The following FBXO32 variants were observed in gnomAD, a reference collection of about 807,000 sequenced individuals.
FBXO32 encodes the protein F-box only protein 32.
FBXO32 carries 15 observed loss-of-function variants against 48.3 expected under a neutral mutation model. The ratio of observed to expected loss-of-function variants is 0.31; its 90% confidence interval spans 0.21 to 0.48. The LOEUF is 0.48. Among genes scored for constraint, FBXO32 ranks in the 20% least tolerant of loss-of-function variants. FBXO32 has a pLI of 0.99. For missense variants in FBXO32, 309 were observed against 432.7 expected (o/e 0.71, Z 2.54); for synonymous variants, 154 against 165.9 (o/e 0.93, Z 0.55).
intron 1 of FBXO32, among the ~76,000 whole-genome samples, chr8:123,539,261 C>T (rs184437875): frequency 3.3e-5 from 5 of 152,262 alleles, no homozygotes; most frequent in African/African-American, 9.6e-5. Flanking sequence ...CAGACCCTTT[C>T]GGCACTTTTC....
chr8:123,519,550 CAAA>C (rs778974048), intron 4 of FBXO32, among the ~76,000 whole-genome samples: 2 of 72,278 alleles, frequency 2.8e-5, no homozygotes, highest in Non-Finnish European at 2.9e-5. Flanking sequence ...GACTCCATCT[CAAA>C]AAAAAAAAAA....
chr8:123,538,446 A>G (rs570176528), intron 1 of FBXO32, among the ~76,000 whole-genome samples: 2 of 152,276 alleles, frequency 1.3e-5, no homozygotes, highest in Admixed American at 1.3e-4. Context: ...TTGTTTTCTC[A>G]TAACAGGAGA....
At chr8:123,518,640 A>G (rs1234516376) in intron 4 of FBXO32, among the ~76,000 whole-genome samples, 1 of 152,218 alleles carries the variant, frequency 6.6e-6, no homozygotes, top group African/African-American at 2.4e-5. Context: ...TGTGTCAGCA[A>G]CTGCAGCTAA....
chr8:123,507,459 G>A (rs566663805), intron 6 of FBXO32, among the ~76,000 whole-genome samples: 4 of 151,510 alleles, frequency 2.6e-5, no homozygotes, highest in Non-Finnish European at 4.4e-5. Flanking sequence ...GTGTGTGTGT[G>A]TGTGTGTGTG....
intron 4 of FBXO32, among the ~76,000 whole-genome samples, chr8:123,522,205 CTTTT>C (rs138504281): frequency 2.6e-5 from 3 of 115,288 alleles, no homozygotes; most frequent in Non-Finnish European, 5.3e-5. Flanking sequence ...ATCCTGGTTA[CTTTT>C]TTTTTTTTTT....
At chr8:123,539,341 G>A (rs1817369139) in intron 1 of FBXO32, among the ~76,000 whole-genome samples, 1 of 152,200 alleles carries the variant, frequency 6.6e-6, no homozygotes, top group African/African-American at 2.4e-5. Flanking sequence ...TAGGAACAAG[G>A]AGGAAGGAAG....
In FBXO32 at chr8:123,500,907, CATTTA is replaced by C. The variant is rs1443306372; in HGVS notation, c.*2461_*2465del. 1 of 152,240 alleles carries C rather than the reference CATTTA, an allele frequency of 6.6e-6. No homozygotes were observed. Among genetic ancestry groups the C allele is most frequent in the African/African-American group, 2.4e-5 (1 of 41,452 alleles). The allele number at this position is 152,240 out of a possible 1,614,324, so 9.4% of individuals were successfully genotyped here. A position where few individuals can be genotyped will look rare whatever the true frequency, so the allele number is the denominator to read the frequency against. ...AGCCCACTGGTACCATCTTGGTAAA[CATTTA>C]ATTAGACCGTAACCCTTCTCTTGGG... On this transcript the variant is annotated 3_prime_UTR_variant, in exon 9 of 9. Coordinates refer to ENST00000517956, the MANE Select transcript of FBXO32 (RefSeq NM_058229.4).
In FBXO32 at chr8:123,503,229, C is replaced by T; in HGVS notation, c.*144G>A. ...AGTCAGCAACTGCATTTCTCCCCTC[C>T]AATGTCCTCTCCATGACTTATCTCT... On this transcript the variant is annotated 3_prime_UTR_variant, in exon 9 of 9. Transcript: ENST00000517956. 1 of 569,538 alleles carries T rather than the reference C, an allele frequency of 1.8e-6. No individual in the cohort carries two copies. Among genetic ancestry groups the T allele is most frequent in the Non-Finnish European group, 3.0e-6 (1 of 330,904 alleles). The allele number at this position is 569,538 out of a possible 1,614,324, so 35.3% of individuals were successfully genotyped here. A position where few individuals can be genotyped will look rare whatever the true frequency, so the allele number is the denominator to read the frequency against.
chr8:123,530,175 A>T (rs1817170248), intron 4 of FBXO32, among the ~76,000 whole-genome samples: 1 of 152,182 alleles, frequency 6.6e-6, no homozygotes, highest in Admixed American at 6.5e-5. Flanking sequence ...AGATCTGCTC[A>T]TGTGGTCACA....
intron 4 of FBXO32, among the ~76,000 whole-genome samples, chr8:123,522,782 G>T (rs1816983569): frequency 6.6e-6 from 1 of 152,010 alleles, no homozygotes; most frequent in African/African-American, 2.4e-5. Context: ...GCCAAATCCT[G>T]GCCGTCCCTC....
chr8:123,540,392 C>A lies in FBXO32; in HGVS notation c.116+507G>T, dbSNP rs1817387918. Among the ~76,000 whole-genome samples, 1 of 152,216 alleles carries A rather than the reference C, an allele frequency of 6.6e-6. No homozygotes were observed. The highest frequency in any genetic ancestry group is 1.5e-5 in the Non-Finnish European group (1 of 68,044). ...TCCTCCCGGCCACTTCGTGGTTGCCCGTGCCTGGGCAGGGCCTGGAAGCGC... is the reference window on the plus strand; with the variant it reads ...TCCTCCCGGCCACTTCGTGGTTGCCAGTGCCTGGGCAGGGCCTGGAAGCGC... On this transcript the variant is annotated intron_variant, in intron 1 of 8. Coordinates refer to ENST00000517956, the MANE Select transcript of FBXO32 (RefSeq NM_058229.4). This position sits in a 1 kb window ranked among gnomAD's most constrained non-coding sequence, Gnocchi z 6.4.
At chr8:123,523,958 A>T (rs1254399454) in intron 4 of FBXO32, among the ~76,000 whole-genome samples, 1 of 152,198 alleles carries the variant, frequency 6.6e-6, no homozygotes, top group African/African-American at 2.4e-5. Context: ...GTTGAAATTC[A>T]ATTTCATTCT....
In FBXO32 at chr8:123,539,581, C is replaced by T. The variant is rs565978894; in HGVS notation, c.116+1318G>A. ...GGTGGTTAATACGCTCAAGTCTCTC[C>T]GGACAGACCCCCAGAATTAAATAAT... On this transcript the variant is annotated intron_variant, in intron 1 of 8. Coordinates refer to ENST00000517956, the MANE Select transcript of FBXO32 (RefSeq NM_058229.4). 8.5e-5 allele frequency among the ~76,000 whole-genome samples: 13 copies of T among 152,270 alleles called. 1 individual carries two copies. The highest frequency in any genetic ancestry group is 2.6e-4 in the African/African-American group (11 of 41,552).
At position 123,526,617 on chromosome 8, in the gene FBXO32, T is replaced by C. The variant is rs560658962; in HGVS notation, c.372+5281A>G. 2.0e-5 allele frequency among the ~76,000 whole-genome samples: 3 copies of C among 152,294 alleles called. No individual in the cohort carries two copies. In the East Asian group the frequency reaches 5.8e-4, roughly 29 times the overall value. On this transcript the variant is annotated intron_variant, in intron 4 of 8. Transcript: ENST00000517956. ...TCTCTGAACAGACCTTACAGCTGCC[T>C]ACCTCAAACCAGTTCCCCTAAGTTC...
intron 6 of FBXO32, among the ~76,000 whole-genome samples, chr8:123,507,438 GGTGTGTGTGT>G (rs200031056): frequency 3.2e-4 from 45 of 139,884 alleles, no homozygotes; most frequent in East Asian, 8.7e-4. Flanking sequence ...TCTGTGCTAG[GGTGTGTGTGT>G]GTGTGTGTGT....
rs985224555 is a variant in FBXO32, at chr8:123,513,047, C to T, written c.651+151G>A. 2 of 838,662 alleles carry T rather than the reference C, an allele frequency of 2.4e-6. No individual in the cohort carries two copies. Among genetic ancestry groups the T allele is most frequent in the African/African-American group, 1.7e-5 (1 of 58,186 alleles). The allele number at this position is 838,662 out of a possible 1,614,324, so 52.0% of individuals were successfully genotyped here. A position where few individuals can be genotyped will look rare whatever the true frequency, so the allele number is the denominator to read the frequency against. ...TCCCACTTCCCTTTATCAGGAGGTC[C>T]CCCAGCCCACCCTCAGCACCAGAAC... On this transcript the variant is annotated intron_variant, in intron 6 of 8. Transcript: ENST00000517956. This position sits in a 1 kb window ranked among gnomAD's most constrained non-coding sequence, Gnocchi z 4.3.
intron 4 of FBXO32, among the ~76,000 whole-genome samples, chr8:123,521,956 C>A (rs1187301603): frequency 6.6e-6 from 1 of 152,096 alleles, no homozygotes; most frequent in Non-Finnish European, 1.5e-5. Flanking sequence ...CAATGAATAA[C>A]ACAGATAAAA....
At chr8:123,514,778 T>G (rs1816804488) in intron 4 of FBXO32, among the ~76,000 whole-genome samples, 1 of 152,246 alleles carries the variant, frequency 6.6e-6, no homozygotes, top group African/African-American at 2.4e-5. Context: ...TCAGCAGCCA[T>G]GTGCACTTTT....
At chr8:123,527,323 G>A (rs1007538447) in intron 4 of FBXO32, 2 of 152,156 alleles carry the variant, frequency 1.3e-5, no homozygotes, top group Non-Finnish European at 2.9e-5. Context: ...ATATTACATT[G>A]TACTCAGCAA....
Sources: allele counts gnomAD v4.1 joint callset (sites outside exome capture counted in the v4.1 genomes callset), GRCh38; gene constraint gnomAD v4.1.1; non-coding constraint Gnocchi (gnomAD v3.1); transcripts MANE v1.5; gene names NCBI Gene and HGNC (gene_info 2026-07-23, HGNC 2026-07-21).